Variants in SCGB2B2 observed in about 807,000 individuals in gnomAD.
SCGB2B2 encodes the protein secretoglobin family 2B member 2.
A neutral mutation model predicts 7.6 loss-of-function variants in SCGB2B2; 11 were observed. The observed-to-expected ratio is 1.45, with a 90% CI of 0.91 to 2.40. The LOEUF (loss-of-function observed/expected upper bound fraction) is 2.40, where lower values mean the gene tolerates loss of function less well. Ranked by LOEUF, SCGB2B2 falls within the 30% of genes most tolerant of loss-of-function variation. The probability of loss-of-function intolerance (pLI) is 0.00; values close to 1 mark genes in which losing one functional copy is unlikely to be tolerated. For synonymous variants in SCGB2B2, 50 were observed against 48.6 expected (o/e 1.03, Z -0.12); for missense variants, 104 against 115.4 (o/e 0.90, Z 0.45).
At chr19:34,661,056 T>C (rs35006963) in intron 1 of SCGB2B2, among the ~76,000 whole-genome samples, 48,943 of 146,098 alleles carry the variant, frequency 0.34, 8,312 homozygotes, top group Middle Eastern at 0.39. Flanking sequence ...TTCTCACTCA[T>C]AGGTGGGAGT....
At position 34,594,829 on chromosome 19, in the gene SCGB2B2, CCTCCCTGGAG is replaced by C. The variant is rs200227179; in HGVS notation, c.-276_-267del. The C allele has an allele frequency of 0.011, 5,431 of 504,466 alleles. 260 individuals are homozygous for C. The highest frequency in any genetic ancestry group is 0.087 in the South Asian group (4,136 of 47,634). 31.2% of individuals were successfully genotyped at this position (504,466 alleles called of 1,614,324 possible). A position where few individuals can be genotyped will look rare whatever the true frequency, so the allele number is the denominator to read the frequency against. On this transcript the variant is annotated 5_prime_UTR_variant, in exon 2 of 4. An upstream open reading frame in the 5' UTR gains an earlier in-frame stop. Coordinates refer to ENST00000601241, the MANE Select transcript of SCGB2B2 (RefSeq NM_001025591.4). ...TTGGGTGTTGTGACATTCTCTCTGT[CCTCCCTGGAG>C]CTCCCTGGGATTGGGAGCAGGCTGA...
At chr19:34,669,714 T>TACACACACACACACACACACAC (rs1555750462) in intron 1 of SCGB2B2, among the ~76,000 whole-genome samples, 22,529 of 139,426 alleles carry the variant, frequency 0.16, 2,134 homozygotes, top group Middle Eastern at 0.28. Flanking sequence ...TGCCCCCACT[T>TACACACACACACACACACACAC]ACACACACAC....
downstream of SCGB2B2, among the ~76,000 whole-genome samples, chr19:34,587,611 C>T (rs2065210608): frequency 6.6e-6 from 1 of 152,112 alleles, no homozygotes; most frequent in Non-Finnish European, 1.5e-5. Context: ...TGTTCCAGAT[C>T]TTGGAGGAAC....
chr19:34,636,506 CCAACTGCAA>C (rs1338154561), intron 1 of SCGB2B2, among the ~76,000 whole-genome samples: 19 of 152,174 alleles, frequency 1.2e-4, no homozygotes, highest in African/African-American at 3.4e-4. Flanking sequence ...CTCAGGAAAA[CCAACTGCAA>C]CTGAGTAGCT....
intron 1 of SCGB2B2, among the ~76,000 whole-genome samples, chr19:34,669,984 A>G (rs1180061870): frequency 1.3e-5 from 2 of 152,178 alleles, no homozygotes; most frequent in Non-Finnish European, 2.9e-5. Context: ...ATGATTAGCT[A>G]GTTTGAATAA....
intron 1 of SCGB2B2, among the ~76,000 whole-genome samples, chr19:34,648,516 A>G (rs1472290140): frequency 6.6e-6 from 1 of 152,230 alleles, no homozygotes; most frequent in Admixed American, 6.5e-5. Flanking sequence ...GAGTCTACCC[A>G]TAATCTGTAA....
rs964860490 is a variant in SCGB2B2, at chr19:34,596,080, A to T, written c.-1517T>A. The T allele has an allele frequency of 6.6e-6, 1 of 152,334 alleles. No individual in the cohort carries two copies. The highest frequency in any genetic ancestry group is 2.4e-5 in the African/African-American group (1 of 41,444). The allele number at this position is 152,334 out of a possible 1,614,324, so 9.4% of individuals were successfully genotyped here. A position where few individuals can be genotyped will look rare whatever the true frequency, so the allele number is the denominator to read the frequency against. ...TGAGCCATCACTGTGCACGTACAGA[A>T]CCTCATAGTAGCGCCCAGGACTTGG... On this transcript the variant is annotated 5_prime_UTR_variant, in exon 2 of 4. Coordinates refer to ENST00000601241, the MANE Select transcript of SCGB2B2 (RefSeq NM_001025591.4).
intron 1 of SCGB2B2, among the ~76,000 whole-genome samples, chr19:34,652,633 A>G (rs548807522): frequency 6.6e-6 from 1 of 151,358 alleles, no homozygotes; most frequent in South Asian, 2.1e-4. Context: ...CATCAGGAAA[A>G]TGCCAATCAA....
At chr19:34,668,330 C>T (rs1199508042) in intron 1 of SCGB2B2, among the ~76,000 whole-genome samples, 1 of 148,666 alleles carries the variant, frequency 6.7e-6, no homozygotes, top group Admixed American at 6.7e-5. Flanking sequence ...AGGGGCTTAG[C>T]ACCTGGGCCA....
At chr19:34,673,413 C>T (rs1270683588) in intron 1 of SCGB2B2, among the ~76,000 whole-genome samples, 2 of 152,160 alleles carry the variant, frequency 1.3e-5, no homozygotes, top group South Asian at 2.1e-4. Flanking sequence ...GGGTCTCGAT[C>T]CAGACCCCAA....
intron 1 of SCGB2B2, among the ~76,000 whole-genome samples, chr19:34,645,033 C>A: frequency 6.6e-6 from 1 of 152,210 alleles, no homozygotes; most frequent in East Asian, 1.9e-4. Context: ...AGTGTGCAGT[C>A]CAGAGCCTGT....
At chr19:34,620,539 A>G in intron 1 of SCGB2B2, among the ~76,000 whole-genome samples, 1 of 103,382 alleles carries the variant, frequency 9.7e-6, no homozygotes, top group Admixed American at 1.2e-4. Flanking sequence ...GGGGGGAGGG[A>G]TTGCATTAGG....
chr19:34,600,283 T>C (rs1236638208), intron 1 of SCGB2B2, among the ~76,000 whole-genome samples: 1 of 152,252 alleles, frequency 6.6e-6, no homozygotes. Context: ...TATTCATCCA[T>C]GTTGTTATCT....
chr19:34,668,297 C>T (rs1407741180), intron 1 of SCGB2B2, among the ~76,000 whole-genome samples: 3 of 152,184 alleles, frequency 2.0e-5, no homozygotes, highest in Admixed American at 6.5e-5. Flanking sequence ...AGCTGCCGGC[C>T]GGCCCTGCCT....
Position 34,599,435 on chromosome 19 carries a change from G to A in SCGB2B2, c.-2031-2841C>T, listed in dbSNP as rs143301492. ...TTGGACTTAAAGTTCCACGTGGCTG[G>A]GGAGGCCTCACAATCACGGTGGAAG... On this transcript the variant is annotated intron_variant, in intron 1 of 3. Transcript: ENST00000601241. 5.3e-5 allele frequency among the ~76,000 whole-genome samples: 8 copies of A among 152,336 alleles called. No homozygotes were observed. The East Asian group carries it at 1.5e-3, about 29-fold the overall frequency.
intron 1 of SCGB2B2, among the ~76,000 whole-genome samples, chr19:34,645,106 C>G (rs570389196): frequency 2.0e-5 from 3 of 152,200 alleles, no homozygotes; most frequent in African/African-American, 7.2e-5. Context: ...AACACACACA[C>G]GAACCCAGAT....
chr19:34,610,768 G>GTT (rs548680772), intron 1 of SCGB2B2, among the ~76,000 whole-genome samples: 1,610 of 139,690 alleles, frequency 0.012, 36 homozygotes, highest in African/African-American at 0.036. Flanking sequence ...TTGGCCTATA[G>GTT]TTTTTTTTTT....
intron 1 of SCGB2B2, among the ~76,000 whole-genome samples, chr19:34,660,598 T>C (rs865943505): frequency 1.7e-4 from 26 of 152,108 alleles, no homozygotes; most frequent in Middle Eastern, 3.4e-3. Flanking sequence ...CCAGTTAGAA[T>C]GGCGATCATT....
At chr19:34,647,957 A>G (rs16969614) in intron 1 of SCGB2B2, among the ~76,000 whole-genome samples, 247 of 152,266 alleles carry the variant, frequency 1.6e-3, no homozygotes, top group African/African-American at 5.7e-3. Context: ...GCATGATGAG[A>G]AAGGGTTTAG....
Sources: allele counts gnomAD v4.1 joint callset (sites outside exome capture counted in the v4.1 genomes callset), GRCh38; gene constraint gnomAD v4.1.1; transcripts MANE v1.5; gene names NCBI Gene and HGNC (gene_info 2026-07-23, HGNC 2026-07-21).